The following PDSS2 variants were observed in gnomAD, a reference collection of about 807,000 sequenced individuals.
The protein encoded by PDSS2 is decaprenyl diphosphate synthase subunit 2, also known as all trans-polyprenyl-diphosphate synthase PDSS2.
In PDSS2, 31 loss-of-function variants were observed where a neutral mutation model predicts 44.5. The observed-to-expected ratio is 0.70, with a 90% CI of 0.52 to 0.94. The LOEUF (loss-of-function observed/expected upper bound fraction) is 0.94. PDSS2 is among the 40% of genes least tolerant of loss of function. PDSS2 has a pLI of 0.00. For missense variants in PDSS2, 452 were observed against 482.2 expected, an observed-to-expected ratio of 0.94 and a Z score of 0.59; for synonymous variants, 157 against 180.3, an observed-to-expected ratio of 0.87 and a Z score of 1.03.
At chr6:107,182,907 G>A (rs1772034095) in intron 7 of PDSS2, among the ~76,000 whole-genome samples, 1 of 152,016 alleles carries the variant, frequency 6.6e-6, no homozygotes, top group South Asian at 2.1e-4. Context: ...GAGGAGTGGG[G>A]GATTTAAAAT....
At chr6:107,308,351 A>G (rs565603970) in intron 2 of PDSS2, among the ~76,000 whole-genome samples, 1 of 152,344 alleles carries the variant, frequency 6.6e-6, no homozygotes, top group South Asian at 2.1e-4. Context: ...TGGAATATCT[A>G]CTATGTGTTA....
At chr6:107,264,255 A>T (rs1775339421) in intron 3 of PDSS2, 1 of 1,334,694 alleles carries the variant, frequency 7.5e-7, no homozygotes, top group Non-Finnish European at 9.7e-7. Flanking sequence ...AATTGAGCAT[A>T]TTTGTACAAA....
intron 5 of PDSS2, among the ~76,000 whole-genome samples, chr6:107,211,590 C>T (rs368992619): frequency 1.3e-4 from 19 of 151,866 alleles, no homozygotes; most frequent in African/African-American, 4.3e-4. Flanking sequence ...ATTAGCCAGG[C>T]GTGGTGGCAT....
At chr6:107,196,551 T>G (rs960921424) in intron 6 of PDSS2, among the ~76,000 whole-genome samples, 5 of 152,264 alleles carry the variant, frequency 3.3e-5, no homozygotes, top group Non-Finnish European at 7.3e-5. Flanking sequence ...TGCTGACTAC[T>G]ATGAATTGCT....
chr6:107,336,425 G>C (rs1177226020), intron 1 of PDSS2, among the ~76,000 whole-genome samples: 2 of 152,122 alleles, frequency 1.3e-5, no homozygotes, highest in East Asian at 3.9e-4. Context: ...CCTTAACCAA[G>C]TAGGCAATCT....
intron 3 of PDSS2, among the ~76,000 whole-genome samples, chr6:107,262,680 G>A (rs1775279453): frequency 6.6e-6 from 1 of 152,086 alleles, no homozygotes. Context: ...GCTGAGGTAG[G>A]AGAATCACTT....
intron 3 of PDSS2, among the ~76,000 whole-genome samples, chr6:107,257,644 G>A (rs1181913398): frequency 6.6e-6 from 1 of 151,480 alleles, no homozygotes; most frequent in Non-Finnish European, 1.5e-5. Context: ...CTTCCCCTGA[G>A]ACAGGATCTC....
At chr6:107,427,782 T>A (rs892290672) in intron 1 of PDSS2, among the ~76,000 whole-genome samples, 19 of 152,194 alleles carry the variant, frequency 1.2e-4, no homozygotes, top group Non-Finnish European at 2.8e-4. Flanking sequence ...TTGTAATGCA[T>A]ATGAGTATTT....
chr6:107,192,404 A>T (rs1388971488), intron 7 of PDSS2: 1 of 509,830 alleles, frequency 2.0e-6, no homozygotes, highest in East Asian at 5.8e-5. Context: ...AAAAGTCAAA[A>T]ATCAAAGAAG....
chr6:107,339,037 T>C (rs1418811387), intron 1 of PDSS2, among the ~76,000 whole-genome samples: 1 of 152,168 alleles, frequency 6.6e-6, no homozygotes, highest in Non-Finnish European at 1.5e-5. Context: ...AGTATTACTT[T>C]AGAGACTGAT....
chr6:107,401,929 G>C (rs1302291615), intron 1 of PDSS2, among the ~76,000 whole-genome samples: 1 of 152,124 alleles, frequency 6.6e-6, no homozygotes, highest in African/African-American at 2.4e-5. Context: ...CAAATCACGA[G>C]GTCAGGAGCT....
intron 1 of PDSS2, among the ~76,000 whole-genome samples, chr6:107,446,762 C>G (rs762986862): frequency 6.6e-6 from 1 of 152,130 alleles, no homozygotes; most frequent in Non-Finnish European, 1.5e-5. Flanking sequence ...TGAGAACTCA[C>G]TCACTATCAT....
chr6:107,188,310 C>T (rs183607480), intron 7 of PDSS2, among the ~76,000 whole-genome samples: 117 of 151,408 alleles, frequency 7.7e-4, no homozygotes, highest in African/African-American at 2.8e-3. Context: ...CCCCAGGAAG[C>T]GGAAGTTTCA....
At chr6:107,444,168 C>T (rs1193788212) in intron 1 of PDSS2, among the ~76,000 whole-genome samples, 1 of 152,142 alleles carries the variant, frequency 6.6e-6, no homozygotes, top group Non-Finnish European at 1.5e-5. Context: ...GCTGGGACCA[C>T]AGGCACACAC....
chr6:107,323,521 T>C (rs549814566), intron 2 of PDSS2, among the ~76,000 whole-genome samples: 1 of 152,286 alleles, frequency 6.6e-6, no homozygotes, highest in East Asian at 1.9e-4. Flanking sequence ...TAAGGTCAAA[T>C]AGCTAATCAA....
chr6:107,370,956 G>A (rs1032259091), intron 1 of PDSS2, among the ~76,000 whole-genome samples: 6 of 152,156 alleles, frequency 3.9e-5, no homozygotes, highest in South Asian at 2.1e-4. Context: ...AGGCTGAGGC[G>A]GGCAGATCAC....
intron 2 of PDSS2, among the ~76,000 whole-genome samples, chr6:107,333,557 TAG>T (rs1777779004): frequency 6.6e-6 from 1 of 152,152 alleles, no homozygotes; most frequent in Non-Finnish European, 1.5e-5. Flanking sequence ...TATTTTGAGA[TAG>T]AGTCTTGCTC....
chr6:107,341,610 C>G (rs953138533), intron 1 of PDSS2, among the ~76,000 whole-genome samples: 1 of 152,028 alleles, frequency 6.6e-6, no homozygotes, highest in African/African-American at 2.4e-5. Flanking sequence ...GATGAGTAAC[C>G]AACATGAAGA....
intron 2 of PDSS2, among the ~76,000 whole-genome samples, chr6:107,280,044 C>A (rs532338839): frequency 6.6e-6 from 1 of 152,150 alleles, no homozygotes; most frequent in East Asian, 1.9e-4. Flanking sequence ...TATTTTAGTA[C>A]TCTTGAATAT....
Sources: gnomAD v4.1 joint callset for allele counts (sites outside exome capture counted in the v4.1 genomes callset) on GRCh38, gnomAD v4.1.1 for gene constraint, MANE v1.5 for transcripts, NCBI Gene and HGNC (gene_info 2026-07-23, HGNC 2026-07-21) for gene names.